Variants in GRM7 observed in about 807,000 individuals in gnomAD.
The protein encoded by GRM7 is glutamate metabotropic receptor 7, also known as metabotropic glutamate receptor 7.
GRM7 carries 35 observed loss-of-function variants against 84.5 expected under a neutral mutation model. The observed-to-expected ratio is 0.41, with a 90% confidence interval of 0.32 to 0.55. The LOEUF (loss-of-function observed/expected upper bound fraction) is 0.55. Among genes scored for constraint, GRM7 ranks in the 20% least tolerant of loss-of-function variants. GRM7 has a pLI of 0.19. For missense variants in GRM7, 1,003 were observed against 1,194.6 expected (o/e 0.84, Z 2.36); for synonymous variants, 487 against 455.1 (o/e 1.07, Z -0.89).
At chr3:7,414,838 A>G (rs1370672812) in intron 4 of GRM7, among the ~76,000 whole-genome samples, 185 bp from the exon 5 acceptor site, 1 of 152,002 alleles carries the variant, frequency 6.6e-6, no homozygotes, top group African/African-American at 2.4e-5. Flanking sequence ...TGAACTAGGA[A>G]TTTAGTCATG....
intron 5 of GRM7, among the ~76,000 whole-genome samples, chr3:7,445,546 C>T (rs1329873366): frequency 2.6e-5 from 4 of 152,150 alleles, no homozygotes; most frequent in Admixed American, 2.6e-4. Flanking sequence ...TCGCTCATCA[C>T]ATTCAATTCT....
At chr3:6,953,460 A>G (rs1329406226) in intron 1 of GRM7, among the ~76,000 whole-genome samples, 1 of 151,958 alleles carries the variant, frequency 6.6e-6, no homozygotes, top group Non-Finnish European at 1.5e-5. Flanking sequence ...AACATAAAGA[A>G]CTCTTTGGTC....
intron 1 of GRM7, among the ~76,000 whole-genome samples, chr3:6,905,671 G>A (rs1218262092): frequency 1.3e-5 from 2 of 151,746 alleles, no homozygotes; most frequent in African/African-American, 2.4e-5. Flanking sequence ...TCTCCTTCAG[G>A]GAAGTAATAA....
intron 5 of GRM7, among the ~76,000 whole-genome samples, chr3:7,441,436 G>A (rs966129690): frequency 1.3e-5 from 2 of 151,890 alleles, no homozygotes; most frequent in African/African-American, 4.8e-5. Context: ...CCAATTTTTT[G>A]GGTTGTCTGT....
At chr3:7,619,058 G>A (rs1453874426) in intron 8 of GRM7, among the ~76,000 whole-genome samples, 5 of 152,134 alleles carry the variant, frequency 3.3e-5, no homozygotes, top group African/African-American at 1.2e-4. Flanking sequence ...GACAAGGATA[G>A]ACACAGATGG....
chr3:7,057,969 T>A (rs1406589222), intron 1 of GRM7, among the ~76,000 whole-genome samples: 1 of 151,974 alleles, frequency 6.6e-6, no homozygotes, highest in African/African-American at 2.4e-5. Context: ...GGTTTTCGGT[T>A]CTTAGGCATT....
At chr3:7,529,814 A>G (rs576353830) in intron 7 of GRM7, among the ~76,000 whole-genome samples, 4 of 151,740 alleles carry the variant, frequency 2.6e-5, no homozygotes, top group South Asian at 4.2e-4. Context: ...CTGAAAAATT[A>G]TGGCCATTCT....
At chr3:7,461,435 G>A (rs986324231) in intron 6 of GRM7, 148 bp from the exon 7 acceptor site, 2 of 566,614 alleles carry the variant, frequency 3.5e-6, no homozygotes. Flanking sequence ...CCTATGAATT[G>A]CAGGGGCCGT....
At chr3:7,626,457 A>G (rs1697617057) in intron 8 of GRM7, among the ~76,000 whole-genome samples, 2 of 152,212 alleles carry the variant, frequency 1.3e-5, no homozygotes, top group Admixed American at 6.5e-5. Context: ...ACCGGGTGGC[A>G]TAAACAACAG....
intron 1 of GRM7, among the ~76,000 whole-genome samples, chr3:6,988,306 G>A (rs1694505405): frequency 6.7e-6 from 1 of 150,164 alleles, no homozygotes; most frequent in Non-Finnish European, 1.5e-5. Flanking sequence ...ACTGCGCCCA[G>A]CCCACCTCTA....
chr3:7,535,932 C>T (rs958056273), intron 7 of GRM7, among the ~76,000 whole-genome samples: 2 of 152,260 alleles, frequency 1.3e-5, no homozygotes, highest in African/African-American at 2.4e-5. Flanking sequence ...TCTGCATCTG[C>T]GTAAGGTGGG....
chr3:7,410,311 C>T (rs973561955), intron 4 of GRM7, among the ~76,000 whole-genome samples: 4 of 152,110 alleles, frequency 2.6e-5, no homozygotes, highest in Non-Finnish European at 2.9e-5. Flanking sequence ...TGGCTCACGC[C>T]TGTAATCCCA....
At chr3:7,092,679 C>T (rs946364449) in intron 1 of GRM7, among the ~76,000 whole-genome samples, 3 of 152,082 alleles carry the variant, frequency 2.0e-5, no homozygotes. Context: ...AGTCAGAAGA[C>T]CTGCTGCTAT....
chr3:7,624,856 G>A (rs1298227245), intron 8 of GRM7, among the ~76,000 whole-genome samples: 1 of 152,180 alleles, frequency 6.6e-6, no homozygotes, highest in Non-Finnish European at 1.5e-5. Flanking sequence ...ATTTGAGCAG[G>A]AAAGGAAAGC....
intron 4 of GRM7, among the ~76,000 whole-genome samples, chr3:7,378,553 A>C (rs1011811901): frequency 6.6e-6 from 1 of 152,134 alleles, no homozygotes; most frequent in Non-Finnish European, 1.5e-5. Context: ...CTCTTCTTGA[A>C]CTTCTCTTTA....
At chr3:7,534,082 T>G (rs2125008241) in intron 7 of GRM7, among the ~76,000 whole-genome samples, 1 of 151,522 alleles carries the variant, frequency 6.6e-6, no homozygotes, top group East Asian at 1.9e-4. Context: ...TAGCACAATC[T>G]TGGCTCACTA....
intron 1 of GRM7, among the ~76,000 whole-genome samples, chr3:6,996,250 G>A (rs540926296): frequency 7.2e-5 from 11 of 152,120 alleles, no homozygotes; most frequent in South Asian, 2.1e-4. Context: ...GGATGTCACC[G>A]TGTTTGCCAG....
At chr3:7,114,972 C>T (rs902130614) in intron 1 of GRM7, among the ~76,000 whole-genome samples, 3 of 152,026 alleles carry the variant, frequency 2.0e-5, no homozygotes, top group African/African-American at 4.8e-5. Flanking sequence ...AGAAGGAGCT[C>T]GGATGAGGTA....
At chr3:7,184,102 A>G (rs1392272089) in intron 2 of GRM7, among the ~76,000 whole-genome samples, 1 of 152,174 alleles carries the variant, frequency 6.6e-6, no homozygotes, top group Non-Finnish European at 1.5e-5. Flanking sequence ...AGAGAAAAAG[A>G]GAGTGTGAAT....
Sources: gnomAD v4.1 joint callset for allele counts (sites outside exome capture counted in the v4.1 genomes callset) on GRCh38, gnomAD v4.1.1 for gene constraint, MANE v1.5 for transcripts, NCBI Gene and HGNC (gene_info 2026-07-23, HGNC 2026-07-21) for gene names.